Variants in EYA2 observed in about 807,000 individuals in gnomAD.
EYA2 encodes the protein EYA transcriptional coactivator and phosphatase 2, also known as protein phosphatase EYA2.
Under a neutral mutation model 69.2 loss-of-function variants are expected in EYA2, and 31 were observed. The observed-to-expected ratio is 0.45, with a 90% CI of 0.34 to 0.60. EYA2 has a LOEUF of 0.60. Ranked by LOEUF, EYA2 falls within the 20% of genes least tolerant of loss-of-function variation. EYA2 has a pLI of 0.02. For synonymous variants in EYA2, 257 were observed against 279.4 expected, an observed-to-expected ratio of 0.92 and a Z score of 0.80; for missense variants, 622 against 701.2, an observed-to-expected ratio of 0.89 and a Z score of 1.28.
intron 2 of EYA2, among the ~76,000 whole-genome samples, chr20:46,996,280 T>C (rs1231408170): frequency 6.6e-6 from 1 of 152,220 alleles, no homozygotes; most frequent in Non-Finnish European, 1.5e-5. Context: ...ACATTTATAT[T>C]GTCTTTGTGG....
At chr20:46,989,326 C>T (rs575862994) in intron 1 of EYA2, among the ~76,000 whole-genome samples, 15 of 152,142 alleles carry the variant, frequency 9.9e-5, no homozygotes, top group South Asian at 2.1e-4. Flanking sequence ...AGTGCAGTGG[C>T]GCAGTCTCGA....
chr20:46,987,101 A>G (rs1981280215), intron 1 of EYA2, among the ~76,000 whole-genome samples: 1 of 152,228 alleles, frequency 6.6e-6, no homozygotes, highest in South Asian at 2.1e-4. Context: ...TAACTGATAC[A>G]GGGGTTGGCA....
At chr20:46,985,929 T>C (rs898315283) in intron 1 of EYA2, among the ~76,000 whole-genome samples, 1 of 152,214 alleles carries the variant, frequency 6.6e-6, no homozygotes, top group African/African-American at 2.4e-5. Context: ...ATTTGCTGCT[T>C]CTAATACTCT....
chr20:47,188,336 C>T lies in EYA2; in HGVS notation c.*203C>T, dbSNP rs545947801. 1.3e-5 allele frequency: 8 copies of T among 608,324 alleles called. No individual in the cohort carries two copies. The highest frequency in any genetic ancestry group is 7.4e-5 in the African/African-American group (4 of 54,112). The allele number at this position is 608,324 out of a possible 1,614,324, so 37.7% of individuals were successfully genotyped here. A position where few individuals can be genotyped will look rare whatever the true frequency, so the allele number is the denominator to read the frequency against. On this transcript the variant is annotated 3_prime_UTR_variant, in exon 16 of 16. Transcript: ENST00000327619. ...GAAGGAAAGTACCCAACATTGGCTTCGGAGTATTTGACTTTGGGGAAAAGG... is the reference window on the plus strand; with the variant it reads ...GAAGGAAAGTACCCAACATTGGCTTTGGAGTATTTGACTTTGGGGAAAAGG...
chr20:47,061,819 C>G (rs1001645453), intron 5 of EYA2, among the ~76,000 whole-genome samples: 7 of 152,198 alleles, frequency 4.6e-5, no homozygotes, highest in African/African-American at 1.7e-4. Flanking sequence ...GCATGCTAAT[C>G]ACACATCGTG....
At chr20:46,929,412 G>T (rs1248929881) in intron 1 of EYA2, among the ~76,000 whole-genome samples, 1 of 30,644 alleles carries the variant, frequency 3.3e-5, no homozygotes, top group African/African-American at 7.1e-5. Flanking sequence ...TGTGGACTGA[G>T]AAGGGGCTTT....
At chr20:46,939,331 C>T (rs1444795257) in intron 1 of EYA2, among the ~76,000 whole-genome samples, 2 of 152,186 alleles carry the variant, frequency 1.3e-5, no homozygotes, top group East Asian at 3.8e-4. Flanking sequence ...TCTTTTCTAG[C>T]AGCTTGCAGG....
chr20:46,999,143 A>G (rs964970365), intron 2 of EYA2, among the ~76,000 whole-genome samples: 1 of 152,232 alleles, frequency 6.6e-6, no homozygotes, highest in African/African-American at 2.4e-5. Flanking sequence ...GCCCATAGGA[A>G]TGTTGTTCCC....
chr20:47,153,422 C>G (rs1105405), intron 10 of EYA2, among the ~76,000 whole-genome samples: 29,997 of 151,510 alleles, frequency 0.2, 3,351 homozygotes, highest in African/African-American at 0.3. Flanking sequence ...GGGAGGATCA[C>G]TTGAGCACAG....
chr20:46,945,586 G>C (rs1978410181), intron 1 of EYA2, among the ~76,000 whole-genome samples: 1 of 152,184 alleles, frequency 6.6e-6, no homozygotes, highest in African/African-American at 2.4e-5. Flanking sequence ...ATTCCCCAGA[G>C]CTCTTTGGAG....
intron 9 of EYA2, among the ~76,000 whole-genome samples, chr20:47,119,623 G>C (rs181213902): frequency 1.3e-5 from 2 of 152,232 alleles, no homozygotes; most frequent in South Asian, 4.1e-4. Flanking sequence ...CTTAGAGCCA[G>C]AATGAAGACT....
intron 10 of EYA2, among the ~76,000 whole-genome samples, chr20:47,154,749 A>G (rs1023761635): frequency 3.3e-5 from 5 of 151,698 alleles, no homozygotes; most frequent in African/African-American, 4.8e-5. Context: ...GGAAGTCCCA[A>G]TGTTCATGGA....
intron 2 of EYA2, among the ~76,000 whole-genome samples, chr20:46,995,063 G>C (rs1490380706): frequency 2.6e-5 from 4 of 152,104 alleles, no homozygotes; most frequent in Non-Finnish European, 5.9e-5. Context: ...ACCACACCCA[G>C]CTAATTTTTG....
At chr20:47,170,892 A>C (rs921659799) in intron 11 of EYA2, among the ~76,000 whole-genome samples, 5 of 152,234 alleles carry the variant, frequency 3.3e-5, no homozygotes, top group Non-Finnish European at 7.3e-5. Flanking sequence ...ACTTACTGCA[A>C]AAACAAAAAT....
At chr20:47,091,453 A>T (rs3787255) in intron 8 of EYA2, among the ~76,000 whole-genome samples, 37,370 of 151,920 alleles carry the variant, frequency 0.25, 4,875 homozygotes, top group East Asian at 0.36. Context: ...AGAAACCAGT[A>T]CCGGGCCCAG....
At chr20:46,947,192 G>A (rs1386875873) in intron 1 of EYA2, among the ~76,000 whole-genome samples, 1 of 152,124 alleles carries the variant, frequency 6.6e-6, no homozygotes, top group Non-Finnish European at 1.5e-5. Context: ...TACATGAAGA[G>A]CATTACTAAC....
chr20:47,007,443 G>T (rs1447667601), intron 4 of EYA2, among the ~76,000 whole-genome samples: 1 of 152,118 alleles, frequency 6.6e-6, no homozygotes, highest in Admixed American at 6.5e-5. Context: ...TGGCAATTCT[G>T]AGAAGACTAA....
chr20:46,898,424 C>CACACACACA (rs59636308), intron 1 of EYA2, among the ~76,000 whole-genome samples: 3 of 146,580 alleles, frequency 2.0e-5, no homozygotes, highest in Non-Finnish European at 3.0e-5. Context: ...CACACACACA[C>CACACACACA]CACAATTCTT....
intron 1 of EYA2, among the ~76,000 whole-genome samples, chr20:46,922,958 G>A (rs768633379): frequency 1.3e-4 from 20 of 152,122 alleles, no homozygotes; most frequent in Admixed American, 2.0e-4. Flanking sequence ...TGCATGACCC[G>A]AATCTAATAA....
Sources: allele counts gnomAD v4.1 joint callset (sites outside exome capture counted in the v4.1 genomes callset), GRCh38; gene constraint gnomAD v4.1.1; transcripts MANE v1.5; gene names NCBI Gene and HGNC (gene_info 2026-07-23, HGNC 2026-07-21).